ABHD14B: variants seen among roughly 807,000 people sequenced by gnomAD.
ABHD14B encodes the protein putative protein-lysine deacylase ABHD14B.
In ABHD14B, 19 loss-of-function variants were observed where a neutral mutation model predicts 15.4. The observed-to-expected ratio is 1.23, with a 90% CI of 0.86 to 1.81. The LOEUF (loss-of-function observed/expected upper bound fraction) is 1.81, where lower values mean the gene tolerates loss of function less well. Among genes scored for constraint, ABHD14B ranks in the 40% most tolerant of loss-of-function variants. ABHD14B has a pLI of 0.00. For synonymous variants in ABHD14B, 92 were observed against 117.3 expected, an observed-to-expected ratio of 0.78 and a Z score of 1.39; for missense variants, 243 against 267.0, an observed-to-expected ratio of 0.91 and a Z score of 0.63.
At chr3:51,973,754 G>A (rs971804027) in intron 1 of ABHD14B, 37 of 1,077,642 alleles carry the variant, frequency 3.4e-5, no homozygotes, top group Non-Finnish European at 4.3e-5. Context: ...TGCTCAACGC[G>A]CTGCCACCTG....
chr3:51,972,236 CAA>C (rs1167050121), intron 1 of ABHD14B, among the ~76,000 whole-genome samples: 10 of 40,878 alleles, frequency 2.4e-4, no homozygotes, highest in East Asian at 8.3e-4. Flanking sequence ...GACTCGGTCA[CAA>C]AAAAAAAAAA....
At chr3:51,970,216 C>T in intron 2 of ABHD14B, 32 bp from the exon 3 acceptor site, 1 of 1,517,486 alleles carries the variant, frequency 6.6e-7, no homozygotes, top group African/African-American at 1.4e-5. Context: ...AGAGACAAGA[C>T]AAGGGCAGTG....
intron 2 of ABHD14B, chr3:51,970,520 T>C: frequency 1.8e-6 from 1 of 565,510 alleles, no homozygotes; most frequent in South Asian, 1.5e-5. Flanking sequence ...CTCTCTCAGC[T>C]GCTCAGTTTC....
chr3:51,971,667 C>T lies in ABHD14B; in HGVS notation c.4G>A (p.Ala2Thr). 1 of 1,610,854 alleles carries T rather than the reference C, an allele frequency of 6.2e-7. No individual in the cohort carries two copies. The highest frequency in any genetic ancestry group is 8.5e-7 in the Non-Finnish European group (1 of 1,178,886). Residue 2 changes from alanine to threonine, a missense_variant, in exon 2 of 4, where the codon GCA becomes ACA. Coordinates refer to ENST00000361143, the MANE Select transcript of ABHD14B (RefSeq NM_001146314.2). MAASVEQREGTI... is the reference protein window; with the variant it reads MTASVEQREGTI... The stretch of plus-strand genomic sequence containing the variant: ...CCCTCGCGCTGCTCCACGCTTGCTG[C>T]CATGCCTGCTGCTGCTGTGCTGGTG...
upstream of ABHD14B, chr3:51,974,122 G>T: frequency 8.9e-7 from 1 of 1,127,226 alleles, no homozygotes; most frequent in Non-Finnish European, 1.2e-6. Context: ...CAAGCTCGCA[G>T]CGTCCATAGA....
chr3:51,969,997 T>A lies in ABHD14B; in HGVS notation c.399A>T (p.Pro133=), dbSNP rs781458494. 6.2e-7 allele frequency: 1 copy of A among 1,614,172 alleles called. No individual in the cohort carries two copies. The highest frequency in any genetic ancestry group is 1.1e-5 in the South Asian group (1 of 91,080). The change falls in exon 3 of 4, where the codon CCA becomes CCT. Residue 133 remains proline, a synonymous_variant. Coordinates refer to ENST00000361143, the MANE Select transcript of ABHD14B (RefSeq NM_001146314.2). Reference sequence around the variant, plus strand: ...TTTTGTCAGTGCAGATGGGGGCCACTGGCACAAAGCCCGGGAGCTGGGAGC... The same window carrying A: ...TTTTGTCAGTGCAGATGGGGGCCACAGGCACAAAGCCCGGGAGCTGGGAGC... ...APGSQLPGFV[P]VAPICTDKIN...
At position 51,970,188 on chromosome 3, in the gene ABHD14B, C is replaced by A. The variant is rs1486844143; in HGVS notation, c.212-4G>T. ...GCTTCCTTGGAGTGCCCCAGACCTGCAGGGATTCAGGTGTGAAAGAGACAA... is the reference window on the plus strand; with the variant it reads ...GCTTCCTTGGAGTGCCCCAGACCTGAAGGGATTCAGGTGTGAAAGAGACAA... On this transcript the variant is annotated splice_region_variant and splice_polypyrimidine_tract_variant and intron_variant, in intron 2 of 3. Coordinates refer to ENST00000361143, the MANE Select transcript of ABHD14B (RefSeq NM_001146314.2). 1 of 1,522,092 alleles carries A rather than the reference C, an allele frequency of 6.6e-7. No homozygotes were observed. Among genetic ancestry groups the A allele is most frequent in the South Asian group, 1.3e-5 (1 of 75,368 alleles). 94.3% of individuals were successfully genotyped at this position (1,522,092 alleles called of 1,614,324 possible). A position where few individuals can be genotyped will look rare whatever the true frequency, so the allele number is the denominator to read the frequency against.
At chr3:51,970,240 G>A in intron 2 of ABHD14B, 56 bp from the exon 3 acceptor site, 1 of 1,514,968 alleles carries the variant, frequency 6.6e-7, no homozygotes, top group East Asian at 2.3e-5. Flanking sequence ...GGCAAAACAA[G>A]GGAGATGGTT....
chr3:51,973,218 G>GT (rs777687947), intron 1 of ABHD14B, among the ~76,000 whole-genome samples: 6,437 of 139,704 alleles, frequency 0.046, 137 homozygotes, highest in African/African-American at 0.056. Context: ...CTAATTTTTT[G>GT]TTTTTTTTTT....
chr3:51,974,311 C>T (rs886236198), upstream of ABHD14B: 14 of 338,422 alleles, frequency 4.1e-5, no homozygotes, highest in African/African-American at 2.8e-4. Context: ...TCTTCCTGCT[C>T]CCCATCCCCC....
intron 1 of ABHD14B, among the ~76,000 whole-genome samples, chr3:51,973,204 C>T (rs189000499): frequency 1.3e-5 from 2 of 151,732 alleles, no homozygotes; most frequent in East Asian, 3.9e-4. Context: ...GCCACCACGC[C>T]CGGCTAATTT....
chr3:51,973,548 C>A (rs986022575), intron 1 of ABHD14B: 1 of 159,694 alleles, frequency 6.3e-6, no homozygotes, highest in Non-Finnish European at 1.3e-5. Context: ...GAAGATGTCT[C>A]GCTCTGTCGT....
At chr3:51,974,114 A>G, upstream of ABHD14B, 1 of 1,178,188 alleles carries the variant, frequency 8.5e-7, no homozygotes, top group Non-Finnish European at 1.1e-6. Context: ...TGTGGCCACA[A>G]GCTCGCAGCG....
intron 3 of ABHD14B, 97 bp from the exon 4 acceptor site, chr3:51,969,702 T>C (rs1181009517): frequency 8.8e-6 from 13 of 1,483,494 alleles, no homozygotes; most frequent in Non-Finnish European, 1.1e-5. Flanking sequence ...GACCACCCCA[T>C]ATGAGGGAGA....
chr3:51,973,934 GAAGA>G (rs745444101), intron 1 of ABHD14B, 27 bp downstream of exon 1: 2 of 1,289,830 alleles, frequency 1.6e-6, no homozygotes, highest in Non-Finnish European at 2.0e-6. Flanking sequence ...TGACTGGAGA[GAAGA>G]AAGGGTCAGG....
In ABHD14B at chr3:51,971,634, G is replaced by C. The variant is rs747780470; in HGVS notation, c.37C>G (p.Gln13Glu). ...ASVEQREGTIQVQGQALFFRE... is the reference protein window; with the variant it reads ...ASVEQREGTIEVQGQALFFRE... ...AAGAAGAGGGCCTGGCCCTGCACCT[G>C]GATGGTGCCCTCGCGCTGCTCCACG... The change falls in exon 2 of 4, where the codon CAG becomes GAG. Residue 13 changes from glutamine (Q) to glutamate (E), a missense_variant. By Grantham distance (29) the Gln-to-Glu change is conservative. Transcript: ENST00000361143. 71 of 1,612,788 alleles carry C rather than the reference G, an allele frequency of 4.4e-5. No individual in the cohort carries two copies. The highest frequency in any genetic ancestry group is 5.8e-5 in the Non-Finnish European group (69 of 1,179,764).
At chr3:51,972,328 G>A (rs1700673336) in intron 1 of ABHD14B, among the ~76,000 whole-genome samples, 1 of 151,482 alleles carries the variant, frequency 6.6e-6, no homozygotes, top group African/African-American at 2.4e-5. Context: ...CCAGCATTTT[G>A]GGAGGCCGAG....
intron 1 of ABHD14B, among the ~76,000 whole-genome samples, chr3:51,973,414 G>A (rs1700699478): frequency 6.7e-6 from 1 of 149,884 alleles, no homozygotes; most frequent in Admixed American, 6.6e-5. Flanking sequence ...CGGAACTCCT[G>A]ACCTCAAGTG....
chr3:51,970,383 G>A (rs1314954380), intron 2 of ABHD14B, among the ~76,000 whole-genome samples, 199 bp from the exon 3 acceptor site: 3 of 152,098 alleles, frequency 2.0e-5, no homozygotes, highest in Non-Finnish European at 4.4e-5. Context: ...TTCTCTCCAC[G>A]TCTGTGCCTG....
Sources: gnomAD v4.1 joint callset for allele counts (sites outside exome capture counted in the v4.1 genomes callset) on GRCh38, gnomAD v4.1.1 for gene constraint, MANE v1.5 for transcripts, NCBI Gene and HGNC (gene_info 2026-07-23, HGNC 2026-07-21) for gene names.